The following MSR1 variants were observed in gnomAD, a reference collection of about 807,000 sequenced individuals.
MSR1 encodes the protein macrophage scavenger receptor types I and II.
MSR1 carries 53 observed loss-of-function variants against 47.2 expected under a neutral mutation model. The observed-to-expected ratio is 1.12, with a 90% CI of 0.90 to 1.41. The LOEUF (loss-of-function observed/expected upper bound fraction) is 1.41. Ranked by LOEUF, MSR1 falls within the 40% of genes most tolerant of loss-of-function variation. The pLI is 0.00. For missense variants in MSR1, 786 were observed against 546.9 expected, an observed-to-expected ratio of 1.44 and a Z score of -4.36; for synonymous variants, 239 against 185.6, an observed-to-expected ratio of 1.29 and a Z score of -2.34.
Position 16,120,508 on chromosome 8 carries a change from G to T in MSR1, c.1132C>A (p.Arg378Ser). 6.2e-7 allele frequency: 1 copy of T among 1,613,154 alleles called. No homozygotes were observed. ...SGQWGTICDD[R>S]WEVRVGQVVC... ...ACCTGTCCAACGCGCACTTCCCAGC[G>T]ATCGTCACAAATTGTACCCCACTGG... Residue 378 changes from arginine to serine, a missense_variant, in exon 9 of 10, where the codon CGC becomes AGC. By Grantham distance (110) the Arg-to-Ser change is moderately radical (BLOSUM62 -1). Coordinates refer to ENST00000262101, the MANE Select transcript of MSR1 (RefSeq NM_138715.3).
chr8:16,177,954 T>G lies in MSR1; in HGVS notation c.35A>C (p.Glu12Ala), dbSNP rs1390840240. Reference protein sequence around the residue: ...EQWDHFHNQQEDTDSCSESVK... With the variant: ...EQWDHFHNQQADTDSCSESVK... ...AGATTCGGAGCAGCTATCAGTGTCCTCCTGTTGATTGTGAAAGTGATCCCA... is the reference window on the plus strand; with the variant it reads ...AGATTCGGAGCAGCTATCAGTGTCCGCCTGTTGATTGTGAAAGTGATCCCA... Residue 12 changes from glutamate to alanine, a missense_variant, in exon 2 of 10, where the codon GAG becomes GCG. By Grantham distance (107) the Glu-to-Ala change is moderately radical (BLOSUM62 -1). Coordinates refer to ENST00000262101, the MANE Select transcript of MSR1 (RefSeq NM_138715.3). 3.1e-6 allele frequency: 5 copies of G among 1,613,820 alleles called. No homozygotes were observed. The African/African-American group carries it at 6.7e-5, about 22-fold the overall frequency.
At position 16,192,620 on chromosome 8, in the gene MSR1, A is replaced by G. The variant is rs992992393; in HGVS notation, c.-27T>C. 1 of 152,100 alleles carries G rather than the reference A, an allele frequency of 6.6e-6. No individual in the cohort carries two copies. Among genetic ancestry groups the G allele is most frequent in the African/African-American group, 2.4e-5 (1 of 41,440 alleles). 9.4% of individuals were successfully genotyped at this position (152,100 alleles called of 1,614,324 possible). ...TACCTTTCGTCCTAAAGAAAGCAGC[A>G]CTGATTTATCCACTTCTCTCTCTTT... On this transcript the variant is annotated 5_prime_UTR_variant, in exon 1 of 10. Transcript: ENST00000262101.
At chr8:16,144,451 A>C (rs1800645361) in intron 7 of MSR1, among the ~76,000 whole-genome samples, 1 of 152,138 alleles carries the variant, frequency 6.6e-6, no homozygotes, top group African/African-American at 2.4e-5. Flanking sequence ...CTCAAAGTCA[A>C]AACCTTTGTT....
chr8:16,190,882 C>T (rs190551696), intron 1 of MSR1, among the ~76,000 whole-genome samples: 8 of 151,842 alleles, frequency 5.3e-5, no homozygotes, highest in South Asian at 4.1e-4. Flanking sequence ...CCACCACGCC[C>T]GGCTAATTTT....
intron 8 of MSR1, among the ~76,000 whole-genome samples, chr8:16,123,895 C>T (rs1585138924): frequency 6.6e-6 from 1 of 152,256 alleles, no homozygotes; most frequent in East Asian, 1.9e-4. Context: ...ACTCAAGCTT[C>T]TTTCTGTAGG....
chr8:16,168,415 G>A (rs1801378778), intron 4 of MSR1, 43 bp downstream of exon 4: 1 of 1,606,716 alleles, frequency 6.2e-7, no homozygotes, highest in Non-Finnish European at 8.5e-7. Flanking sequence ...GACTTGGATG[G>A]ATTCAGTTCC....
intron 1 of MSR1, among the ~76,000 whole-genome samples, chr8:16,183,918 A>G (rs1238838867): frequency 6.8e-6 from 1 of 146,038 alleles, no homozygotes; most frequent in African/African-American, 2.5e-5. Flanking sequence ...TATATGGCAC[A>G]GGCATAGTAC....
chr8:16,150,377 G>T, intron 6 of MSR1, 66 bp from the exon 7 acceptor site: 1 of 838,102 alleles, frequency 1.2e-6, no homozygotes, highest in South Asian at 1.9e-5. Flanking sequence ...AGAGTATAAT[G>T]AAAACATCTA....
At position 16,143,649 on chromosome 8, in the gene MSR1, G is replaced by T. The variant is rs1455919671; in HGVS notation, c.980-38C>A. 1.2e-5 allele frequency: 18 copies of T among 1,527,174 alleles called. No homozygotes were observed. In the Admixed American group the frequency reaches 2.0e-4, roughly 17 times the overall value. The allele number at this position is 1,527,174 out of a possible 1,614,324, so 94.6% of individuals were successfully genotyped here. ...AGAAAAATATTTGTTTTTAATCAGG[G>T]CAATTCACAATGTTTGCTTTAACTG... On this transcript the variant is annotated intron_variant, in intron 7 of 9. Coordinates refer to ENST00000262101, the MANE Select transcript of MSR1 (RefSeq NM_138715.3).
chr8:16,177,624 T>C (rs1412365704), intron 2 of MSR1, among the ~76,000 whole-genome samples: 1 of 152,102 alleles, frequency 6.6e-6, no homozygotes, highest in Non-Finnish European at 1.5e-5. Context: ...GGTGCTAGGA[T>C]CATATTTATC....
At chr8:16,152,838 T>C in intron 6 of MSR1, among the ~76,000 whole-genome samples, 1 of 152,072 alleles carries the variant, frequency 6.6e-6, no homozygotes. Flanking sequence ...TCAGAGATTC[T>C]GTATCTGTTT....
intron 8 of MSR1, among the ~76,000 whole-genome samples, chr8:16,126,583 A>G (rs1800133931): frequency 6.6e-6 from 1 of 152,182 alleles, no homozygotes; most frequent in African/African-American, 2.4e-5. Context: ...CTTAGCAATG[A>G]AATGTGCAAC....
At chr8:16,183,488 A>G (rs1358382367) in intron 1 of MSR1, among the ~76,000 whole-genome samples, 2 of 148,000 alleles carry the variant, frequency 1.4e-5, no homozygotes, top group Admixed American at 6.9e-5. Flanking sequence ...ATGAATAACT[A>G]TATAGATATA....
At chr8:16,133,400 G>A (rs1354387611) in intron 8 of MSR1, among the ~76,000 whole-genome samples, 1 of 152,188 alleles carries the variant, frequency 6.6e-6, no homozygotes, top group Non-Finnish European at 1.5e-5. Context: ...GATGCCCAAT[G>A]ATTTCCCATT....
chr8:16,183,792 T>C (rs868401080), intron 1 of MSR1, among the ~76,000 whole-genome samples: 2 of 143,610 alleles, frequency 1.4e-5, no homozygotes, highest in Middle Eastern at 3.6e-3. Context: ...TAATATATTA[T>C]ATATTATATT....
intron 1 of MSR1, among the ~76,000 whole-genome samples, chr8:16,189,325 C>CATATATACATAATATCTTATTTAT (rs1563175395): frequency 8.8e-6 from 1 of 114,152 alleles, no homozygotes; most frequent in Non-Finnish European, 1.6e-5. Flanking sequence ...ATCTTATTTA[C>CATATATACATAATATCTTATTTAT]ATTTCATATA....
At chr8:16,183,822 TA>T (rs1255845286) in intron 1 of MSR1, among the ~76,000 whole-genome samples, 1 of 144,276 alleles carries the variant, frequency 6.9e-6, no homozygotes, top group East Asian at 2.0e-4. Context: ...ATATATTATA[TA>T]TTATATATTT....
chr8:16,143,569 C>A lies in MSR1; in HGVS notation c.1022G>T (p.Gly341Val), dbSNP rs1800619288. The A allele has an allele frequency of 6.2e-7, 1 of 1,611,922 alleles. No individual in the cohort carries two copies. The highest frequency in any genetic ancestry group is 8.5e-7 in the Non-Finnish European group (1 of 1,178,574). ...PKGQKGEKGS[G>V]NTLTPFTKVR... ...TACTATATACTTACTTAATGTGTTTCCACTCCCCTTTTCCCCTTTCTGGCC... is the reference window on the plus strand; with the variant it reads ...TACTATATACTTACTTAATGTGTTTACACTCCCCTTTTCCCCTTTCTGGCC... Residue 341 changes from glycine to valine, a missense_variant, in exon 8 of 10, where the codon GGA becomes GTA. By Grantham distance (109) the Gly-to-Val change is moderately radical (BLOSUM62 -3). Transcript: ENST00000262101.
intron 1 of MSR1, among the ~76,000 whole-genome samples, chr8:16,179,234 T>C (rs547515015): frequency 6.6e-6 from 1 of 152,316 alleles, no homozygotes; most frequent in African/African-American, 2.4e-5. Context: ...TGTCTGGATC[T>C]GAATGATCTG....
Sources: gnomAD v4.1 joint callset for allele counts (sites outside exome capture counted in the v4.1 genomes callset) on GRCh38, gnomAD v4.1.1 for gene constraint, MANE v1.5 for transcripts, NCBI Gene and HGNC (gene_info 2026-07-23, HGNC 2026-07-21) for gene names.